The following CTNND2 variants were observed in gnomAD, a reference collection of about 807,000 sequenced individuals.
CTNND2 encodes catenin delta-2.
In CTNND2, 22 loss-of-function variants were observed where a neutral mutation model predicts 144.4. That is an observed-to-expected ratio of 0.15 (90% CI 0.11 to 0.22). The LOEUF (loss-of-function observed/expected upper bound fraction) is 0.22, where lower values mean the gene tolerates loss of function less well. Among genes scored for constraint, CTNND2 ranks in the 10% least tolerant of loss-of-function variants. CTNND2 has a pLI of 1.00. For synonymous variants in CTNND2, 751 were observed against 695.6 expected, an observed-to-expected ratio of 1.08 and a Z score of -1.25; for missense variants, 1,353 against 1,618.8, an observed-to-expected ratio of 0.84 and a Z score of 2.82.
chr5:11,214,301 T>C (rs1738946751), intron 10 of CTNND2, among the ~76,000 whole-genome samples: 1 of 152,246 alleles, frequency 6.6e-6, no homozygotes, highest in Admixed American at 6.5e-5. Flanking sequence ...CTTTGTTCTC[T>C]GTTTTATTTA....
intron 1 of CTNND2, among the ~76,000 whole-genome samples, chr5:11,745,204 C>A (rs928330182): frequency 2.6e-5 from 4 of 152,068 alleles, no homozygotes; most frequent in African/African-American, 9.7e-5. Flanking sequence ...TGTCATATCC[C>A]AATAATGGAA....
rs1581897260 is a variant in CTNND2 at position 11,795,376 on chromosome 5, T to C, written c.38-63104A>G. ...AATCTGGAAGTGAGATTTAACATGGTTTAAGGAGATTCCGTTTATCCTACA... is the reference window on the plus strand; with the variant it reads ...AATCTGGAAGTGAGATTTAACATGGCTTAAGGAGATTCCGTTTATCCTACA... On this transcript the variant is annotated intron_variant, in intron 1 of 21. Coordinates refer to ENST00000304623, the MANE Select transcript of CTNND2 (RefSeq NM_001332.4). 2.0e-5 allele frequency among the ~76,000 whole-genome samples: 3 copies of C among 152,112 alleles called. No homozygotes were observed. The South Asian group carries it at 6.2e-4, about 32-fold the overall frequency.
At chr5:11,063,668 TG>T (rs1392312027) in intron 16 of CTNND2, among the ~76,000 whole-genome samples, 2 of 152,170 alleles carry the variant, frequency 1.3e-5, no homozygotes, top group Non-Finnish European at 2.9e-5. Flanking sequence ...AAGATGATGT[TG>T]GGTACTAAAC....
At chr5:11,334,688 C>T (rs554406539) in intron 9 of CTNND2, among the ~76,000 whole-genome samples, 1 of 152,294 alleles carries the variant, frequency 6.6e-6, no homozygotes, top group South Asian at 2.1e-4. Context: ...TAGGGTCTCA[C>T]TGTAGCATCC....
At chr5:11,470,968 ATATATATATATATTT>A (rs1174793909) in intron 3 of CTNND2, among the ~76,000 whole-genome samples, 2 of 93,098 alleles carry the variant, frequency 2.1e-5, no homozygotes, top group Non-Finnish European at 4.1e-5. Flanking sequence ...ATATATATAT[ATATATATATATATTT>A]TTTTTTTTTT....
chr5:11,589,597 T>C (rs1779106286), intron 2 of CTNND2, among the ~76,000 whole-genome samples: 1 of 152,148 alleles, frequency 6.6e-6, no homozygotes, highest in Non-Finnish European at 1.5e-5. Context: ...AGATACGGAC[T>C]TTGAAGCTAA....
chr5:11,480,090 A>G (rs1768107213), intron 3 of CTNND2, among the ~76,000 whole-genome samples: 1 of 152,154 alleles, frequency 6.6e-6, no homozygotes, highest in Non-Finnish European at 1.5e-5. Context: ...GCCAGTTCCT[A>G]TGTCCAGAAT....
At chr5:11,455,179 C>T (rs894578676) in intron 3 of CTNND2, among the ~76,000 whole-genome samples, 21 of 151,352 alleles carry the variant, frequency 1.4e-4, no homozygotes, top group African/African-American at 4.1e-4. Context: ...TAGTAAAAAA[C>T]GCCAAGCAGA....
intron 2 of CTNND2, among the ~76,000 whole-genome samples, chr5:11,674,716 T>TTTGTTTGTTTGGTTGG (rs368963579): frequency 1.4e-3 from 212 of 150,998 alleles, no homozygotes; most frequent in African/African-American, 4.8e-3. Context: ...TGTTTGTTTG[T>TTTGTTTGTTTGGTTGG]TTGGTTGGTT....
At chr5:11,624,816 A>C (rs1003040789) in intron 2 of CTNND2, among the ~76,000 whole-genome samples, 19 of 152,040 alleles carry the variant, frequency 1.2e-4, no homozygotes, top group Non-Finnish European at 2.5e-4. Context: ...TTTTTACCAA[A>C]CAACCACAAC....
intron 11 of CTNND2, among the ~76,000 whole-genome samples, chr5:11,191,515 T>G (rs1211916623): frequency 6.6e-6 from 1 of 152,188 alleles, no homozygotes; most frequent in Non-Finnish European, 1.5e-5. Context: ...GCAACTATGC[T>G]TCCCAGGATT....
At chr5:11,547,208 C>T (rs1266454826) in intron 3 of CTNND2, among the ~76,000 whole-genome samples, 5 of 151,478 alleles carry the variant, frequency 3.3e-5, no homozygotes, top group African/African-American at 7.3e-5. Flanking sequence ...GCGGAGGTTG[C>T]GGTGAGCCAA....
At chr5:11,616,304 C>CTTTTATTTTTTTTTTTTTATTATTTTA (rs1298599031) in intron 2 of CTNND2, among the ~76,000 whole-genome samples, 8 of 152,078 alleles carry the variant, frequency 5.3e-5, no homozygotes, top group African/African-American at 1.9e-4. Context: ...AAAATATTTC[C>CTTTTATTTTTTTTTTTTTATTATTTTA]TTTTATTTTT....
At chr5:11,240,271 CCCA>C (rs1742129060) in intron 9 of CTNND2, among the ~76,000 whole-genome samples, 1 of 130,700 alleles carries the variant, frequency 7.7e-6, no homozygotes, top group Non-Finnish European at 1.6e-5. Context: ...CACACACACA[CCCA>C]ACACACACAC....
At chr5:11,350,101 C>G (rs1239467654) in intron 8 of CTNND2, among the ~76,000 whole-genome samples, 1 of 152,048 alleles carries the variant, frequency 6.6e-6, no homozygotes, top group South Asian at 2.1e-4. Flanking sequence ...CGTGCCATTG[C>G]ACTCCAGCTT....
At chr5:11,361,662 A>G (rs1756469666) in intron 8 of CTNND2, among the ~76,000 whole-genome samples, 1 of 152,130 alleles carries the variant, frequency 6.6e-6, no homozygotes, top group Admixed American at 6.5e-5. Context: ...ATGCTTCCCC[A>G]CCAAAGGGGA....
intron 9 of CTNND2, among the ~76,000 whole-genome samples, chr5:11,276,707 A>G (rs181084214): frequency 9.2e-5 from 14 of 152,334 alleles, no homozygotes; most frequent in Non-Finnish European, 1.2e-4. Flanking sequence ...GGATCTCAAG[A>G]GGAAATCATC....
chr5:11,368,536 T>C (rs983367655), intron 7 of CTNND2, among the ~76,000 whole-genome samples: 7 of 152,214 alleles, frequency 4.6e-5, no homozygotes, highest in Non-Finnish European at 2.9e-5. Flanking sequence ...CCTGCTTCTA[T>C]GTTGACACGT....
At chr5:11,261,034 G>T (rs1744806476) in intron 9 of CTNND2, among the ~76,000 whole-genome samples, 1 of 152,108 alleles carries the variant, frequency 6.6e-6, no homozygotes, top group Admixed American at 6.5e-5. Flanking sequence ...GTGCATGCAG[G>T]TTGATCCCAG....
Sources: gnomAD v4.1 joint callset for allele counts (sites outside exome capture counted in the v4.1 genomes callset) on GRCh38, gnomAD v4.1.1 for gene constraint, MANE v1.5 for transcripts, NCBI Gene and HGNC (gene_info 2026-07-23, HGNC 2026-07-21) for gene names.